Variants in ME3 observed in about 807,000 individuals in gnomAD.
The protein encoded by ME3 is NADP-dependent malic enzyme, mitochondrial.
ME3 carries 48 observed loss-of-function variants against 68.9 expected under a neutral mutation model. The observed-to-expected ratio is 0.70, with a 90% CI of 0.55 to 0.89. ME3 has a LOEUF of 0.89. ME3 is among the 40% of genes least tolerant of loss of function. The probability of loss-of-function intolerance (pLI) is 0.00; values close to 1 mark genes in which losing one functional copy is unlikely to be tolerated. For synonymous variants in ME3, 320 were observed against 318.8 expected, an observed-to-expected ratio of 1.00 and a Z score of -0.04; for missense variants, 675 against 797.4, an observed-to-expected ratio of 0.85 and a Z score of 1.85.
rs1161525332 is a variant in ME3 at position 86,599,393 on chromosome 11, T to G, written c.184-39570A>C. On this transcript the variant is annotated intron_variant, in intron 2 of 14. Transcript: ENST00000543262. ...GAATGAAATGAAGCGAGAAGGGAAGTTTAGAGAAAAAAGAATAAAAAGAAA... is the reference window on the plus strand; with the variant it reads ...GAATGAAATGAAGCGAGAAGGGAAGGTTAGAGAAAAAAGAATAAAAAGAAA... Among the ~76,000 whole-genome samples the G allele has an allele frequency of 1.6e-4, 24 of 151,876 alleles. 1 individual carries two copies. The highest frequency in any genetic ancestry group is 3.4e-3 in the Middle Eastern group (1 of 294).
At chr11:86,564,485 G>T (rs1056281593) in intron 2 of ME3, among the ~76,000 whole-genome samples, 2 of 148,946 alleles carry the variant, frequency 1.3e-5, no homozygotes, top group Admixed American at 1.3e-4. Flanking sequence ...AACAGTGTGG[G>T]ACTGGCATAA....
intron 6 of ME3, 133 bp downstream of exon 6, chr11:86,497,830 G>T: frequency 9.6e-7 from 1 of 1,039,492 alleles, no homozygotes; most frequent in Non-Finnish European, 1.4e-6. Context: ...TAGGGGGAAT[G>T]CCCTGGTCGG....
chr11:86,618,830 A>T (rs1943157740), intron 2 of ME3, among the ~76,000 whole-genome samples: 1 of 149,066 alleles, frequency 6.7e-6, no homozygotes. Flanking sequence ...CGATTATCCT[A>T]CCTCCCGAGT....
intron 2 of ME3, among the ~76,000 whole-genome samples, chr11:86,605,477 G>A (rs1961492786): frequency 6.6e-6 from 1 of 152,094 alleles, no homozygotes; most frequent in Non-Finnish European, 1.5e-5. Context: ...TTTTGCTGGG[G>A]GCTCAGCTTT....
intron 7 of ME3, among the ~76,000 whole-genome samples, chr11:86,471,141 C>CTTTTT (rs1163128094): frequency 1.3e-4 from 10 of 75,044 alleles, no homozygotes; most frequent in African/African-American, 1.9e-4. Context: ...AGGCCCAGAG[C>CTTTTT]TTTTTTTTTT....
intron 3 of ME3, among the ~76,000 whole-genome samples, chr11:86,559,427 C>G (rs1025132236): frequency 6.6e-6 from 1 of 152,186 alleles, no homozygotes; most frequent in Non-Finnish European, 1.5e-5. Context: ...CTACCACTTC[C>G]CAGAGGCCCT....
At chr11:86,480,933 T>G (rs915551908) in intron 7 of ME3, among the ~76,000 whole-genome samples, 2 of 152,174 alleles carry the variant, frequency 1.3e-5, no homozygotes, top group East Asian at 3.8e-4. Flanking sequence ...AAAGTCTCTG[T>G]GTATTGGTCC....
intron 2 of ME3, among the ~76,000 whole-genome samples, chr11:86,663,010 A>G (rs908838223): frequency 2.0e-5 from 3 of 152,180 alleles, no homozygotes; most frequent in Admixed American, 6.5e-5. Flanking sequence ...GCAAAGCAAA[A>G]TAGAACAAAA....
intron 2 of ME3, among the ~76,000 whole-genome samples, chr11:86,635,536 TGG>T (rs1944281277): frequency 6.6e-6 from 1 of 152,232 alleles, no homozygotes; most frequent in Non-Finnish European, 1.5e-5. Context: ...TATTAAGAGG[TGG>T]GACCATTAAG....
At chr11:86,604,783 T>C (rs1350259851) in intron 2 of ME3, among the ~76,000 whole-genome samples, 1 of 152,202 alleles carries the variant, frequency 6.6e-6, no homozygotes, top group Non-Finnish European at 1.5e-5. Flanking sequence ...GGTTAGAAAT[T>C]ACGTCTTAAT....
intron 8 of ME3, among the ~76,000 whole-genome samples, chr11:86,456,940 G>A (rs892310900): frequency 3.3e-5 from 5 of 152,242 alleles, no homozygotes; most frequent in East Asian, 3.9e-4. Flanking sequence ...GGAGAGTGAC[G>A]CTCAAGGGAA....
intron 6 of ME3, among the ~76,000 whole-genome samples, chr11:86,497,656 G>A (rs1271219701): frequency 6.6e-6 from 1 of 152,160 alleles, no homozygotes; most frequent in Non-Finnish European, 1.5e-5. Flanking sequence ...GAAACTGCCT[G>A]GGGTAATGGG....
intron 7 of ME3, among the ~76,000 whole-genome samples, chr11:86,475,182 G>T (rs560930256): frequency 6.6e-6 from 1 of 152,310 alleles, no homozygotes; most frequent in Admixed American, 6.5e-5. Context: ...ATTGGATCAT[G>T]GGGGAGGAGT....
chr11:86,452,964 G>T (rs1408982340), intron 8 of ME3, among the ~76,000 whole-genome samples: 11 of 152,016 alleles, frequency 7.2e-5, no homozygotes, highest in African/African-American at 2.7e-4. Flanking sequence ...GTTGAATGTT[G>T]TGAGGCATTT....
chr11:86,468,594 C>G (rs1950611694), intron 7 of ME3, among the ~76,000 whole-genome samples: 1 of 152,134 alleles, frequency 6.6e-6, no homozygotes, highest in Admixed American at 6.5e-5. Flanking sequence ...GTTTGTCTGC[C>G]AACTCTTTAA....
intron 4 of ME3, among the ~76,000 whole-genome samples, chr11:86,520,928 G>C (rs1954225910): frequency 6.6e-6 from 1 of 152,202 alleles, no homozygotes; most frequent in South Asian, 2.1e-4. Flanking sequence ...AGGTAGAACA[G>C]ATAACTTCCA....
intron 2 of ME3, among the ~76,000 whole-genome samples, chr11:86,570,632 AAC>A (rs1388486949): frequency 6.6e-6 from 1 of 152,172 alleles, no homozygotes; most frequent in South Asian, 2.1e-4. Flanking sequence ...CAGATCCAGA[AAC>A]ACATCATAAA....
At chr11:86,652,780 A>C (rs1027134734) in intron 2 of ME3, among the ~76,000 whole-genome samples, 4 of 152,222 alleles carry the variant, frequency 2.6e-5, no homozygotes, top group African/African-American at 4.8e-5. Flanking sequence ...AAATGCTCCA[A>C]TTGAAAGACA....
At chr11:86,454,905 G>A (rs187868676) in intron 8 of ME3, among the ~76,000 whole-genome samples, 1 of 152,322 alleles carries the variant, frequency 6.6e-6, no homozygotes, top group African/African-American at 2.4e-5. Flanking sequence ...GCTCTAGGGT[G>A]GGCCTTCTCC....
Sources: gnomAD v4.1 joint callset for allele counts (sites outside exome capture counted in the v4.1 genomes callset) on GRCh38, gnomAD v4.1.1 for gene constraint, MANE v1.5 for transcripts, NCBI Gene and HGNC (gene_info 2026-07-23, HGNC 2026-07-21) for gene names.